The following SCN3A variants were observed in gnomAD, a reference collection of about 807,000 sequenced individuals.
SCN3A encodes sodium channel protein type 3 subunit alpha.
SCN3A carries 60 observed loss-of-function variants against 187.6 expected under a neutral mutation model. The observed-to-expected ratio is 0.32, with a 90% CI of 0.26 to 0.40. The LOEUF (loss-of-function observed/expected upper bound fraction) is 0.40. SCN3A is among the 10% of genes least tolerant of loss of function. SCN3A has a pLI of 1.00. For missense variants in SCN3A, 1,601 were observed against 2,428.2 expected (o/e 0.66, Z 7.16); for synonymous variants, 788 against 829.2 (o/e 0.95, Z 0.85).
rs74965469 is a variant in SCN3A at position 165,152,205 on chromosome 2, T to C, written c.1380+2247A>G. ...ATGTGACCCATAATAAAGAGAAAAA[T>C]TAATCAAAACTGACCAAGAAGTGAC... On this transcript the variant is annotated intron_variant, in intron 11 of 27. Transcript: ENST00000283254. 2.5e-3 allele frequency among the ~76,000 whole-genome samples: 374 copies of C among 152,102 alleles called. 6 individuals are homozygous for C. In the East Asian group the frequency reaches 0.065, roughly 27 times the overall value.
At chr2:165,122,226 C>CT (rs1686717529) in intron 18 of SCN3A, among the ~76,000 whole-genome samples, 2 of 119,296 alleles carry the variant, frequency 1.7e-5, no homozygotes, top group African/African-American at 3.0e-5. Flanking sequence ...TTTTTTCTTT[C>CT]TTTCTTTTTT....
intron 24 of SCN3A, 99 bp downstream of exon 24, chr2:165,096,368 G>A (rs1171385170): frequency 1.7e-5 from 15 of 885,662 alleles, no homozygotes; most frequent in East Asian, 2.5e-5. Context: ...AATATTAAAT[G>A]TTCTAATATA....
chr2:165,178,897 C>T (rs148207492), intron 2 of SCN3A, among the ~76,000 whole-genome samples: 116 of 152,032 alleles, frequency 7.6e-4, no homozygotes, highest in Middle Eastern at 6.8e-3. Context: ...ATGATCACAT[C>T]ATCAATCCAA....
At chr2:165,164,338 G>C in intron 6 of SCN3A, 54 bp downstream of exon 6, 1 of 1,609,502 alleles carries the variant, frequency 6.2e-7, no homozygotes, top group Non-Finnish European at 8.5e-7. Flanking sequence ...GACCTTGTTT[G>C]TACTATGACT....
chr2:165,095,072 AAAAT>A (rs1440792424), intron 25 of SCN3A, among the ~76,000 whole-genome samples: 4 of 152,218 alleles, frequency 2.6e-5, no homozygotes, highest in African/African-American at 9.6e-5. Context: ...AGGATAAAAA[AAAAT>A]CACAAAAAGC....
At chr2:165,197,132 C>T (rs1227242890) in intron 1 of SCN3A, among the ~76,000 whole-genome samples, 12 of 152,054 alleles carry the variant, frequency 7.9e-5, no homozygotes, top group Admixed American at 7.9e-4. Context: ...AAATAAATGC[C>T]AGTGTGTTCA....
chr2:165,101,673 A>G (rs972175574), intron 21 of SCN3A, among the ~76,000 whole-genome samples: 1 of 152,214 alleles, frequency 6.6e-6, no homozygotes, highest in Non-Finnish European at 1.5e-5. Flanking sequence ...AAATTAATTC[A>G]TTATATCCAC....
chr2:165,097,364 C>G lies in SCN3A; in HGVS notation c.4127G>C (p.Ser1376Thr). 6.2e-7 allele frequency: 1 copy of G among 1,614,034 alleles called. No homozygotes were observed. Among genetic ancestry groups the G allele is most frequent in the Non-Finnish European group, 8.5e-7 (1 of 1,179,974 alleles). The change falls in exon 23 of 28, where the codon AGT (serine) becomes ACT (threonine). Residue 1376 changes from serine to threonine, a missense_variant. By Grantham distance (58) the Ser-to-Thr change is moderately conservative (BLOSUM62 1). Coordinates refer to ENST00000283254, the MANE Select transcript of SCN3A (RefSeq NM_006922.4). ...NMTTGNMFDI[S>T]DVNNLSDCQA... is the part of the protein sequence containing the mutation. ...ACAGTCACTCAAATTGTTAACATCA[C>G]TAATGTCAAACATGTTACCCGTTGT... is the stretch of plus-strand genomic sequence containing the variant.
chr2:165,201,787 T>C (rs1692338713), intron 1 of SCN3A, among the ~76,000 whole-genome samples: 1 of 152,072 alleles, frequency 6.6e-6, no homozygotes, highest in Non-Finnish European at 1.5e-5. Flanking sequence ...GTTTAGCACA[T>C]CAATCATAAT....
intron 12 of SCN3A, among the ~76,000 whole-genome samples, chr2:165,143,438 C>T (rs187270594): frequency 3.9e-5 from 6 of 152,224 alleles, no homozygotes; most frequent in East Asian, 1.9e-4. Context: ...TTTTCAAAGG[C>T]GTTCCAGATC....
Position 165,155,894 on chromosome 2 carries a change from T to C in SCN3A, c.1041A>G (p.Pro347=), listed in dbSNP as rs1290234497. 1.2e-6 allele frequency: 2 copies of C among 1,614,148 alleles called. No individual in the cohort carries two copies. The highest frequency in any genetic ancestry group is 1.7e-6 in the Non-Finnish European group (2 of 1,180,016). The change falls in exon 10 of 28, where the codon CCA becomes CCG. Residue 347 remains proline, a synonymous_variant. Coordinates refer to ENST00000283254, the MANE Select transcript of SCN3A (RefSeq NM_006922.4). The part of the protein sequence containing the change: ...CGNGSDAGQC[P]EGYICVKAGR... ...CAGCCTTCACACAGATGTATCCTTC[T>C]GGACACTGGCTATAAGAGAGAGAAA... is the stretch of plus-strand genomic sequence containing the variant.
At chr2:165,134,273 T>G (rs1687536330) in intron 15 of SCN3A, among the ~76,000 whole-genome samples, 1 of 152,226 alleles carries the variant, frequency 6.6e-6, no homozygotes, top group South Asian at 2.1e-4. Flanking sequence ...CATGAAGAAT[T>G]ATGAAATTAC....
chr2:165,138,238 C>A, intron 14 of SCN3A, 121 bp from the exon 15 acceptor site: 1 of 729,996 alleles, frequency 1.4e-6, no homozygotes, highest in Non-Finnish European at 2.4e-6. Flanking sequence ...GTTCATATTA[C>A]TTAAGAAACT....
At position 165,087,768 on chromosome 2, in the gene SCN3A, A is replaced by T. The variant is rs1684902830; in HGVS notation, c.*2382T>A. 1 of 152,196 alleles carries T rather than the reference A, an allele frequency of 6.6e-6. No homozygotes were observed. Among genetic ancestry groups the T allele is most frequent in the Admixed American group, 6.5e-5 (1 of 15,268 alleles). 9.4% of individuals were successfully genotyped at this position (152,196 alleles called of 1,614,324 possible). ...GCATTTAAGTAACAAAGAATGTAAC[A>T]TTTATTAGCCACCAAGTAATTAGGA... On this transcript the variant is annotated 3_prime_UTR_variant, in exon 28 of 28. Coordinates refer to ENST00000283254, the MANE Select transcript of SCN3A (RefSeq NM_006922.4).
At chr2:165,108,893 T>C (rs1430670295) in intron 21 of SCN3A, among the ~76,000 whole-genome samples, 1 of 152,136 alleles carries the variant, frequency 6.6e-6, no homozygotes, top group Non-Finnish European at 1.5e-5. Context: ...GGCAGAGGCA[T>C]GAGTTAAGTT....
intron 18 of SCN3A, among the ~76,000 whole-genome samples, chr2:165,121,222 CAG>C (rs1432573468): frequency 6.6e-6 from 1 of 152,054 alleles, no homozygotes; most frequent in Non-Finnish European, 1.5e-5. Context: ...GGCCATGTAA[CAG>C]AGAAACTGAA....
chr2:165,176,088 A>G (rs775116488), intron 3 of SCN3A, 43 bp downstream of exon 3: 1 of 1,585,022 alleles, frequency 6.3e-7, no homozygotes, highest in Admixed American at 1.7e-5. Context: ...TACAGTTAAG[A>G]GTTTCATTAA....
intron 18 of SCN3A, chr2:165,119,757 A>G (rs1483874508): frequency 6.6e-6 from 1 of 152,208 alleles, no homozygotes; most frequent in Non-Finnish European, 1.5e-5. Context: ...TACTTTCTTT[A>G]TATTGCCATA....
intron 18 of SCN3A, among the ~76,000 whole-genome samples, chr2:165,116,512 G>A (rs969494285): frequency 2.0e-5 from 3 of 152,156 alleles, no homozygotes; most frequent in African/African-American, 7.2e-5. Flanking sequence ...AAGCTTTTAA[G>A]ATGAAACAAT....
Sources: allele counts gnomAD v4.1 joint callset (sites outside exome capture counted in the v4.1 genomes callset), GRCh38; gene constraint gnomAD v4.1.1; transcripts MANE v1.5; gene names NCBI Gene and HGNC (gene_info 2026-07-23, HGNC 2026-07-21).